The following OXR1 variants were observed in gnomAD, a reference collection of about 807,000 sequenced individuals.
The protein encoded by OXR1 is oxidation resistance protein 1.
In OXR1, 41 loss-of-function variants were observed where a neutral mutation model predicts 104.6. The observed-to-expected ratio is 0.39, with a 90% CI of 0.31 to 0.51. The LOEUF (loss-of-function observed/expected upper bound fraction) is 0.51, where lower values mean the gene tolerates loss of function less well. OXR1 is among the 20% of genes least tolerant of loss of function. The pLI is 0.77. For missense variants in OXR1, 955 were observed against 1,031.9 expected (o/e 0.93, Z 1.02); for synonymous variants, 348 against 348.4 (o/e 1.00, Z 0.01).
At chr8:106,546,195 T>C (rs1419809218) in intron 3 of OXR1, among the ~76,000 whole-genome samples, 1 of 152,182 alleles carries the variant, frequency 6.6e-6, no homozygotes, top group East Asian at 1.9e-4. Flanking sequence ...AGCTGAGTCA[T>C]TTCGTGCTTT....
intron 2 of OXR1, among the ~76,000 whole-genome samples, chr8:106,510,096 T>G (rs1397943896): frequency 6.6e-6 from 1 of 152,158 alleles, no homozygotes; most frequent in East Asian, 1.9e-4. Flanking sequence ...TATAATGGGA[T>G]AGGGAGGAGG....
intron 7 of OXR1, among the ~76,000 whole-genome samples, chr8:106,696,689 T>G (rs552446010): frequency 4.7e-4 from 72 of 152,370 alleles, no homozygotes; most frequent in African/African-American, 1.6e-3. Context: ...ACTGTGTTAA[T>G]TAGAAATTCT....
intron 3 of OXR1, among the ~76,000 whole-genome samples, chr8:106,647,745 C>T (rs1824205792): frequency 6.6e-6 from 1 of 152,208 alleles, no homozygotes; most frequent in Non-Finnish European, 1.5e-5. Context: ...CCTCTGGCCT[C>T]AGCCTCCCAA....
chr8:106,428,810 G>A (rs1819240012), intron 2 of OXR1, among the ~76,000 whole-genome samples: 4 of 151,968 alleles, frequency 2.6e-5, no homozygotes, highest in South Asian at 4.2e-4. Flanking sequence ...AGCACGTACC[G>A]AGGAAATAAA....
intron 3 of OXR1, among the ~76,000 whole-genome samples, chr8:106,677,942 A>C (rs1387782947): frequency 3.3e-5 from 5 of 152,072 alleles, no homozygotes; most frequent in Non-Finnish European, 7.4e-5. Flanking sequence ...GCCATGTGTC[A>C]GGCCCCTAGT....
At chr8:106,749,325 A>G (rs1429497870) in intron 16 of OXR1, among the ~76,000 whole-genome samples, 1 of 150,660 alleles carries the variant, frequency 6.6e-6, no homozygotes, top group African/African-American at 2.5e-5. Flanking sequence ...CTAGGGTGAC[A>G]GAGCGAGACT....
At chr8:106,686,288 A>T (rs200405652) in intron 6 of OXR1, among the ~76,000 whole-genome samples, 1 of 376 alleles carries the variant, frequency 2.7e-3, no homozygotes, top group Non-Finnish European at 6.0e-3. Flanking sequence ...GAAAATAATT[A>T]AAAAAAAAAA....
chr8:106,485,030 G>T (rs573416505), intron 2 of OXR1, among the ~76,000 whole-genome samples: 1 of 138,636 alleles, frequency 7.2e-6, no homozygotes, highest in South Asian at 2.3e-4. Context: ...GAAAAGATAG[G>T]GAGGAAACTT....
intron 2 of OXR1, among the ~76,000 whole-genome samples, chr8:106,469,968 C>T (rs1430010710): frequency 2.0e-5 from 3 of 151,736 alleles, no homozygotes; most frequent in East Asian, 1.9e-4. Flanking sequence ...GTGGGGGAAG[C>T]ATTTTAGGCA....
At chr8:106,726,313 A>G in intron 11 of OXR1, 3 of 1,425,372 alleles carry the variant, frequency 2.1e-6, no homozygotes, top group Non-Finnish European at 1.9e-6. Context: ...CACTCTGGTA[A>G]ATCTTAGTCA....
chr8:106,745,660 G>A (rs1233538522), intron 15 of OXR1, 129 bp from the exon 16 acceptor site: 1 of 492,736 alleles, frequency 2.0e-6, no homozygotes, highest in Non-Finnish European at 3.6e-6. Flanking sequence ...TCTGTGCGGA[G>A]CTTTTTGTGG....
At chr8:106,315,242 G>A (rs371173155) in intron 1 of OXR1, among the ~76,000 whole-genome samples, 96 of 152,152 alleles carry the variant, frequency 6.3e-4, no homozygotes, top group African/African-American at 2.1e-3. Context: ...TGGTAAGGTA[G>A]TATGTATTTC....
intron 2 of OXR1, among the ~76,000 whole-genome samples, chr8:106,495,909 G>A (rs945511220): frequency 3.9e-5 from 6 of 152,086 alleles, no homozygotes; most frequent in African/African-American, 1.4e-4. Context: ...GATGAGCACA[G>A]ATTTTTAACT....
At chr8:106,386,328 T>C (rs1554631776) in intron 2 of OXR1, among the ~76,000 whole-genome samples, 1 of 152,066 alleles carries the variant, frequency 6.6e-6, no homozygotes, top group Non-Finnish European at 1.5e-5. Flanking sequence ...AGTTTAAAAT[T>C]TTTCTGATTT....
At chr8:106,710,532 A>G (rs1003434145) in intron 9 of OXR1, 90 bp from the exon 10 acceptor site, 8 of 741,030 alleles carry the variant, frequency 1.1e-5, no homozygotes, top group Non-Finnish European at 1.6e-5. Context: ...TTCTGTAACT[A>G]TTTGTCAGAA....
At chr8:106,638,067 AT>A (rs1052510920) in intron 3 of OXR1, among the ~76,000 whole-genome samples, 5 of 151,818 alleles carry the variant, frequency 3.3e-5, no homozygotes, top group Non-Finnish European at 7.4e-5. Context: ...GCCTGGCCCG[AT>A]TTTTATTTTA....
rs373754348 is a variant in OXR1 at position 106,461,392 on chromosome 8, T to C, written c.24-57551T>C. 7.2e-5 allele frequency among the ~76,000 whole-genome samples: 11 copies of C among 152,056 alleles called. No homozygotes were observed. The East Asian group carries it at 1.6e-3, about 21-fold the overall frequency. On this transcript the variant is annotated intron_variant, in intron 2 of 16. Coordinates refer to ENST00000517566, the MANE Select transcript of OXR1 (RefSeq NM_001198533.2). The stretch of plus-strand genomic sequence containing the variant: ...TTCGAGACCAGCCTGGCCAACATGG[T>C]GAAACCCCATCTCTACAAAAATACA...
rs575947891 is a variant in OXR1, at chr8:106,751,444, A to G, written c.*503A>G. ...AAAAAATCACTTGCCAAAATAATAC[A>G]TACTTCATAGACCACTGAGTTCTAG... On this transcript the variant is annotated 3_prime_UTR_variant, in exon 17 of 17. Coordinates refer to ENST00000517566, the MANE Select transcript of OXR1 (RefSeq NM_001198533.2). The G allele has an allele frequency of 6.5e-6, 1 of 152,818 alleles. No homozygotes were observed. The highest frequency in any genetic ancestry group is 1.9e-4 in the East Asian group (1 of 5,196). The allele number at this position is 152,818 out of a possible 1,614,324, so 9.5% of individuals were successfully genotyped here.
At chr8:106,643,353 G>A (rs981690964) in intron 3 of OXR1, among the ~76,000 whole-genome samples, 2 of 152,090 alleles carry the variant, frequency 1.3e-5, no homozygotes, top group South Asian at 2.1e-4. Context: ...ACAGATGGCC[G>A]GCCAGATTTG....
Sources: allele counts gnomAD v4.1 joint callset (sites outside exome capture counted in the v4.1 genomes callset), GRCh38; gene constraint gnomAD v4.1.1; transcripts MANE v1.5; gene names NCBI Gene and HGNC (gene_info 2026-07-23, HGNC 2026-07-21).